The following KCNIP4 variants were observed in gnomAD, a reference collection of about 807,000 sequenced individuals.
The protein encoded by KCNIP4 is Kv channel-interacting protein 4.
In KCNIP4, 12 loss-of-function variants were observed where a neutral mutation model predicts 34.0. The ratio of observed to expected loss-of-function variants is 0.35; its 90% CI spans 0.23 to 0.57. The LOEUF (loss-of-function observed/expected upper bound fraction) is 0.57. Among genes scored for constraint, KCNIP4 ranks in the 20% least tolerant of loss-of-function variants. The pLI, the probability that KCNIP4 is intolerant of heterozygous loss-of-function variation, is 0.83. For synonymous variants in KCNIP4, 124 were observed against 102.2 expected (o/e 1.21, Z -1.29); for missense variants, 238 against 311.7 (o/e 0.76, Z 1.78).
chr4:21,919,599 G>C (rs531789806), intron 1 of KCNIP4, among the ~76,000 whole-genome samples: 6 of 152,136 alleles, frequency 3.9e-5, no homozygotes, highest in Admixed American at 1.3e-4. Flanking sequence ...CCAGCTCCTG[G>C]GATAAATTAT....
chr4:21,767,386 CT>C (rs1019890167), intron 1 of KCNIP4, among the ~76,000 whole-genome samples: 1 of 151,912 alleles, frequency 6.6e-6, no homozygotes, highest in Admixed American at 6.6e-5. Flanking sequence ...GGAAACTTGA[CT>C]CAGGGATGTG....
chr4:21,859,137 A>T (rs1436637022), intron 1 of KCNIP4, among the ~76,000 whole-genome samples: 1 of 152,196 alleles, frequency 6.6e-6, no homozygotes, highest in Non-Finnish European at 1.5e-5. Flanking sequence ...AACTTCAGCC[A>T]AACATAAATA....
chr4:20,831,053 T>C (rs530284014), intron 3 of KCNIP4, among the ~76,000 whole-genome samples: 1 of 152,178 alleles, frequency 6.6e-6, no homozygotes, highest in South Asian at 2.1e-4. Flanking sequence ...GATTGGTTGA[T>C]CTCAAAGATA....
At chr4:21,308,020 C>G (rs1188162870) in intron 1 of KCNIP4, among the ~76,000 whole-genome samples, 1 of 152,204 alleles carries the variant, frequency 6.6e-6, no homozygotes, top group Non-Finnish European at 1.5e-5. Context: ...GCTAAAAGAA[C>G]ACTGCAGTCT....
chr4:21,508,688 G>T (rs1310998661), intron 1 of KCNIP4, among the ~76,000 whole-genome samples: 1 of 152,112 alleles, frequency 6.6e-6, no homozygotes, highest in African/African-American at 2.4e-5. Flanking sequence ...GGAACAGATA[G>T]GTCTGGTACC....
intron 1 of KCNIP4, among the ~76,000 whole-genome samples, chr4:20,931,341 T>G (rs1408423062): frequency 6.6e-6 from 1 of 151,740 alleles, no homozygotes; most frequent in Non-Finnish European, 1.5e-5. Context: ...AAAAATAGAG[T>G]CATGTATCAT....
intron 1 of KCNIP4, among the ~76,000 whole-genome samples, chr4:21,296,487 G>A (rs1044761311): frequency 4.6e-5 from 7 of 151,186 alleles, no homozygotes; most frequent in African/African-American, 1.2e-4. Context: ...CTTATACAGG[G>A]TTCTAAGCAT....
At chr4:21,697,562 A>G (rs1712475951) in intron 1 of KCNIP4, 2 of 1,413,716 alleles carry the variant, frequency 1.4e-6, no homozygotes, top group African/African-American at 3.0e-5. Flanking sequence ...GCTGCCTTAC[A>G]ACTCCTGTGG....
At chr4:20,836,831 G>A (rs1340784087) in intron 3 of KCNIP4, among the ~76,000 whole-genome samples, 1 of 151,490 alleles carries the variant, frequency 6.6e-6, no homozygotes, top group African/African-American at 2.4e-5. Flanking sequence ...CTTTCCTTAG[G>A]TCTCCTGCAT....
intron 1 of KCNIP4, among the ~76,000 whole-genome samples, chr4:21,738,621 A>T (rs1270361042): frequency 6.6e-6 from 1 of 152,172 alleles, no homozygotes; most frequent in Non-Finnish European, 1.5e-5. Flanking sequence ...TCTCTGGTCA[A>T]ATTAATGTAA....
chr4:21,490,899 T>C (rs16871198), intron 1 of KCNIP4, among the ~76,000 whole-genome samples: 5,743 of 152,174 alleles, frequency 0.038, 328 homozygotes, highest in African/African-American at 0.12. Context: ...ATTTAAGGAA[T>C]GTCCTCTTTG....
chr4:21,633,569 G>T (rs1286473459), intron 1 of KCNIP4, among the ~76,000 whole-genome samples: 2 of 152,108 alleles, frequency 1.3e-5, no homozygotes, highest in East Asian at 3.9e-4. Flanking sequence ...AAATCTTTGT[G>T]TGGAAAGTTA....
chr4:21,452,830 CT>C (rs5856635), intron 1 of KCNIP4, among the ~76,000 whole-genome samples: 15,261 of 149,480 alleles, frequency 0.1, 895 homozygotes, highest in South Asian at 0.15. Flanking sequence ...TGAAAAAGTC[CT>C]TCATAATACT....
At chr4:21,540,780 G>A (rs1343276688) in intron 1 of KCNIP4, among the ~76,000 whole-genome samples, 1 of 152,088 alleles carries the variant, frequency 6.6e-6, no homozygotes, top group African/African-American at 2.4e-5. Context: ...ATTGTTTGGA[G>A]GCCCTGCTGT....
intron 1 of KCNIP4, among the ~76,000 whole-genome samples, chr4:21,469,807 T>TA (rs1022643907): frequency 2.6e-5 from 4 of 151,822 alleles, no homozygotes; most frequent in Admixed American, 6.6e-5. Context: ...ATACCGAAAT[T>TA]AAAAAAAAGC....
intron 1 of KCNIP4, among the ~76,000 whole-genome samples, chr4:21,015,030 T>C (rs1451558613): frequency 6.6e-6 from 1 of 152,148 alleles, no homozygotes; most frequent in African/African-American, 2.4e-5. Flanking sequence ...ACGAATGTTG[T>C]TATTAGTTTT....
chr4:21,924,921 C>T (rs926653537), intron 1 of KCNIP4, among the ~76,000 whole-genome samples: 17 of 151,968 alleles, frequency 1.1e-4, no homozygotes, highest in East Asian at 1.9e-4. Flanking sequence ...TGCTCTTAAG[C>T]GAATGTCCTG....
intron 1 of KCNIP4, among the ~76,000 whole-genome samples, chr4:21,563,976 T>C (rs184087168): frequency 6.6e-6 from 1 of 152,240 alleles, no homozygotes; most frequent in Non-Finnish European, 1.5e-5. Context: ...TGAATAATCA[T>C]ATACCTTTTT....
chr4:21,023,551 C>A (rs1740260010), intron 1 of KCNIP4, among the ~76,000 whole-genome samples: 1 of 152,016 alleles, frequency 6.6e-6, no homozygotes. Context: ...ATGCAAATGA[C>A]CAATATGCAC....
Sources: allele counts gnomAD v4.1 joint callset (sites outside exome capture counted in the v4.1 genomes callset), GRCh38; gene constraint gnomAD v4.1.1; transcripts MANE v1.5; gene names NCBI Gene and HGNC (gene_info 2026-07-23, HGNC 2026-07-21).